CRYBG1: variants seen among roughly 807,000 people sequenced by gnomAD.
The protein encoded by CRYBG1 is crystallin beta-gamma domain containing 1.
A neutral mutation model predicts 189.2 loss-of-function variants in CRYBG1; 139 were observed. That is an observed-to-expected ratio of 0.73 (90% CI 0.64 to 0.85). The LOEUF is 0.85. CRYBG1 is among the 40% of genes least tolerant of loss of function. The pLI is 0.00. For missense variants in CRYBG1, 2,611 were observed against 2,675.8 expected (o/e 0.98, Z 0.53); for synonymous variants, 1,023 against 1,017.1 (o/e 1.01, Z -0.11).
intron 2 of CRYBG1, among the ~76,000 whole-genome samples, chr6:106,468,238 G>C (rs1582780045): frequency 6.6e-6 from 1 of 152,192 alleles, no homozygotes; most frequent in African/African-American, 2.4e-5. Flanking sequence ...ATAAGCAATA[G>C]GAACTGGAGC....
At chr6:106,363,763 T>TA (rs1400591613) in intron 1 of CRYBG1, among the ~76,000 whole-genome samples, 9 of 152,322 alleles carry the variant, frequency 5.9e-5, no homozygotes, top group African/African-American at 2.2e-4. Flanking sequence ...TTTCACCTCT[T>TA]AAAATCTCAA....
chr6:106,562,779 G>A (rs1039412632), intron 20 of CRYBG1, among the ~76,000 whole-genome samples: 7 of 151,988 alleles, frequency 4.6e-5, no homozygotes, highest in Admixed American at 1.3e-4. Flanking sequence ...AAGCCACTGC[G>A]CCTGGCCTAC....
At chr6:106,381,538 A>G (rs546915709) in intron 1 of CRYBG1, among the ~76,000 whole-genome samples, 1 of 152,360 alleles carries the variant, frequency 6.6e-6, no homozygotes, top group East Asian at 1.9e-4. Flanking sequence ...CAAGGATGTA[A>G]GTATAGATGT....
chr6:106,511,359 C>G, intron 2 of CRYBG1, 71 bp from the exon 3 acceptor site: 1 of 1,343,894 alleles, frequency 7.4e-7, no homozygotes, highest in Non-Finnish European at 9.9e-7. Context: ...GCTGGTGGTT[C>G]TGTAATGTAC....
At chr6:106,394,846 T>A (rs2114343640) in intron 1 of CRYBG1, among the ~76,000 whole-genome samples, 1 of 145,782 alleles carries the variant, frequency 6.9e-6, no homozygotes, top group Non-Finnish European at 1.5e-5. Context: ...GTGTGTTAAA[T>A]GCACACAGCA....
chr6:106,419,576 G>T (rs1771087762), intron 1 of CRYBG1, among the ~76,000 whole-genome samples: 1 of 152,108 alleles, frequency 6.6e-6, no homozygotes. Flanking sequence ...TAGAGATGGG[G>T]TCTCACTATG....
At position 106,520,188 on chromosome 6, in the gene CRYBG1, C is replaced by A. The variant is rs770561383; in HGVS notation, c.2980C>A (p.Pro994Thr). Residue 994 changes from proline to threonine, a missense_variant, in exon 4 of 22, where the codon CCT (proline) becomes ACT (threonine). Pro to Thr is a conservative substitution (Grantham distance 38). This residue lies in a region of CRYBG1 where 1,622 missense variants were observed against 1,735.0 expected (regional missense o/e 0.93). Transcript: ENST00000633556. The stretch of plus-strand genomic sequence containing the variant: ...GTTGCCAACTTGTCACAGTAATGAA[C>A]CTGAAGTGGTTTCCGTTGCAAGTTG... Reference protein sequence around the residue: ...VQLPTCHSNEPEVVSVASCAP... With the variant: ...VQLPTCHSNETEVVSVASCAP... 1.2e-6 allele frequency: 2 copies of A among 1,614,124 alleles called. No homozygotes were observed.
At chr6:106,493,769 G>C (rs1181559) in intron 2 of CRYBG1, among the ~76,000 whole-genome samples, 1 of 151,980 alleles carries the variant, frequency 6.6e-6, no homozygotes, top group African/African-American at 2.4e-5. Flanking sequence ...ACATGGACAC[G>C]TGGTGGGGGA....
intron 2 of CRYBG1, among the ~76,000 whole-genome samples, chr6:106,478,971 G>A (rs1772389635): frequency 6.6e-6 from 1 of 152,206 alleles, no homozygotes; most frequent in Non-Finnish European, 1.5e-5. Context: ...CACTGGTTCT[G>A]AGTGGAATTA....
chr6:106,510,680 G>A (rs1476799819), intron 2 of CRYBG1, among the ~76,000 whole-genome samples: 2 of 152,218 alleles, frequency 1.3e-5, no homozygotes, highest in African/African-American at 2.4e-5. Context: ...GTGAGCAAAG[G>A]CGGTCACCCC....
intron 1 of CRYBG1, among the ~76,000 whole-genome samples, chr6:106,410,450 G>A (rs940097468): frequency 6.6e-6 from 1 of 152,206 alleles, no homozygotes; most frequent in African/African-American, 2.4e-5. Flanking sequence ...TTCAACCATT[G>A]TGGAAGACAG....
intron 1 of CRYBG1, among the ~76,000 whole-genome samples, chr6:106,429,828 G>A (rs535620258): frequency 6.6e-6 from 1 of 152,286 alleles, no homozygotes; most frequent in South Asian, 2.1e-4. Context: ...TGCATACTTA[G>A]CACAGTGCTG....
In CRYBG1 at chr6:106,519,960, C is replaced by T. The variant is rs1422707130; in HGVS notation, c.2752C>T (p.Gln918Ter). Reference sequence around the variant, plus strand: ...AGGATGTGTTTTGCCTGTGTCTCGTCAGAACAATGAGAAAATGCCACTTTT... The same window carrying T: ...AGGATGTGTTTTGCCTGTGTCTCGTTAGAACAATGAGAAAATGCCACTTTT... Reference protein sequence around the residue: ...HKGCVLPVSRQNNEKMPLLEL... With the variant: ...HKGCVLPVSR The change falls in exon 4 of 22, where the codon CAG becomes TAG. Residue 918 changes from glutamine (Q) to a stop codon, truncating the protein, a stop_gained. Transcript: ENST00000633556. LOFTEE classifies it high-confidence loss of function. 3 of 1,614,142 alleles carry T rather than the reference C, an allele frequency of 1.9e-6. No individual in the cohort carries two copies. In the Admixed American group the frequency reaches 5.0e-5, roughly 27 times the overall value.
Position 106,570,794 on chromosome 6 carries a change from G to A in CRYBG1, c.*2228G>A, listed in dbSNP as rs1229521663. On this transcript the variant is annotated 3_prime_UTR_variant, in exon 22 of 22. Coordinates refer to ENST00000633556, the MANE Select transcript of CRYBG1 (RefSeq NM_001371242.2). ...TTGCAATAACTCGGTAGTAAGACCA[G>A]ACCAACAATTTTAGAGAAAAGCCTA... 1 of 152,036 alleles carries A rather than the reference G, an allele frequency of 6.6e-6. No individual in the cohort carries two copies. The highest frequency in any genetic ancestry group is 1.5e-5 in the Non-Finnish European group (1 of 68,020). 9.4% of individuals were successfully genotyped at this position (152,036 alleles called of 1,614,324 possible).
At chr6:106,412,069 G>A (rs547242084) in intron 1 of CRYBG1, among the ~76,000 whole-genome samples, 4 of 152,328 alleles carry the variant, frequency 2.6e-5, no homozygotes, top group African/African-American at 9.6e-5. Context: ...CCCAGAAACA[G>A]TGCTTCACCA....
At chr6:106,434,152 AAG>A (rs35292541) in intron 1 of CRYBG1, among the ~76,000 whole-genome samples, 89,220 of 148,408 alleles carry the variant, frequency 0.6, 27,851 homozygotes, top group African/African-American at 0.78. Flanking sequence ...ATCAGAGAGA[AAG>A]AGAGAGAGAG....
chr6:106,517,429 T>TAA (rs1773461742), intron 3 of CRYBG1, among the ~76,000 whole-genome samples: 2 of 108,132 alleles, frequency 1.8e-5, no homozygotes, highest in Non-Finnish European at 3.8e-5. Context: ...CACATATATA[T>TAA]ACACACACAC....
At chr6:106,519,062 T>G (rs989090984) in intron 3 of CRYBG1, 69 bp from the exon 4 acceptor site, 1 of 1,485,018 alleles carries the variant, frequency 6.7e-7, no homozygotes, top group African/African-American at 1.4e-5. Flanking sequence ...AGTTTTATAA[T>G]TAATTGGTTT....
At chr6:106,540,586 G>T (rs949022958) in intron 9 of CRYBG1, among the ~76,000 whole-genome samples, 3 of 152,128 alleles carry the variant, frequency 2.0e-5, no homozygotes, top group Non-Finnish European at 2.9e-5. Flanking sequence ...ATGATGAAAA[G>T]TCTCCAAAGT....
Sources: allele counts gnomAD v4.1 joint callset (sites outside exome capture counted in the v4.1 genomes callset), GRCh38; gene constraint gnomAD v4.1.1; regional missense constraint gnomAD v4.1.1; transcripts MANE v1.5; gene names NCBI Gene and HGNC (gene_info 2026-07-23, HGNC 2026-07-21).